ATP2C1: variants seen among roughly 807,000 people sequenced by gnomAD.
The protein encoded by ATP2C1 is ATPase secretory pathway Ca2+ transporting 1.
A neutral mutation model predicts 120.5 loss-of-function variants in ATP2C1; 31 were observed. The ratio of observed to expected loss-of-function variants is 0.26; its 90% CI spans 0.19 to 0.35. The LOEUF is 0.35. Among genes scored for constraint, ATP2C1 ranks in the 10% least tolerant of loss-of-function variants. The pLI is 1.00. For missense variants in ATP2C1, 731 were observed against 1,107.5 expected, an observed-to-expected ratio of 0.66 and a Z score of 4.83; for synonymous variants, 351 against 358.7, an observed-to-expected ratio of 0.98 and a Z score of 0.24.
chr3:130,924,833 GTTCT>G (rs1400981464), intron 2 of ATP2C1, among the ~76,000 whole-genome samples: 1 of 151,884 alleles, frequency 6.6e-6, no homozygotes, highest in Non-Finnish European at 1.5e-5. Flanking sequence ...TGTCTCTGAA[GTTCT>G]TTCTTCTGCT....
intron 2 of ATP2C1, among the ~76,000 whole-genome samples, chr3:130,919,402 A>G (rs933105409): frequency 3.3e-5 from 5 of 151,846 alleles, no homozygotes; most frequent in African/African-American, 1.2e-4. Flanking sequence ...TTTTTATAGT[A>G]GAGAAGGGGT....
At chr3:130,891,064 C>T (rs2069152040), upstream of ATP2C1, among the ~76,000 whole-genome samples, 1 of 152,162 alleles carries the variant, frequency 6.6e-6, no homozygotes, top group South Asian at 2.1e-4. Flanking sequence ...GCGACAGAGA[C>T]TCTGTCTCTT....
At chr3:130,882,849 A>T (rs747307666) in intron 1 of ATP2C1, among the ~76,000 whole-genome samples, 1 of 152,138 alleles carries the variant, frequency 6.6e-6, no homozygotes, top group Non-Finnish European at 1.5e-5. Flanking sequence ...GTATCAGGGT[A>T]ACACTTGCCT....
At chr3:130,914,918 T>A (rs1023867390) in intron 2 of ATP2C1, among the ~76,000 whole-genome samples, 2 of 152,198 alleles carry the variant, frequency 1.3e-5, no homozygotes, top group Non-Finnish European at 2.9e-5. Flanking sequence ...TCTGCAGTTG[T>A]TATAATACAG....
chr3:130,925,805 G>A (rs559072283), intron 2 of ATP2C1, among the ~76,000 whole-genome samples: 1 of 152,024 alleles, frequency 6.6e-6, no homozygotes, highest in Non-Finnish European at 1.5e-5. Flanking sequence ...CTGTTGCGGG[G>A]GGTGGGGTGA....
At chr3:130,936,778 C>T (rs1333905322) in intron 5 of ATP2C1, among the ~76,000 whole-genome samples, 1 of 140,212 alleles carries the variant, frequency 7.1e-6, no homozygotes, top group Non-Finnish European at 1.5e-5. Flanking sequence ...GATCACGCCC[C>T]TGCACACCAG....
intron 16 of ATP2C1, among the ~76,000 whole-genome samples, chr3:130,968,533 T>C (rs1179071694): frequency 3.3e-5 from 5 of 151,896 alleles, no homozygotes; most frequent in Non-Finnish European, 5.9e-5. Flanking sequence ...AAAGTAGAAG[T>C]AGAGAGGAAT....
chr3:130,996,645 T>A, intron 23 of ATP2C1, 35 bp from the exon 24 acceptor site: 2 of 1,333,100 alleles, frequency 1.5e-6, no homozygotes, highest in Middle Eastern at 1.8e-4. Context: ...AGATTTACTC[T>A]ACTGATATTT....
chr3:130,863,264 G>A (rs979147739), intron 1 of ATP2C1, among the ~76,000 whole-genome samples: 1 of 152,152 alleles, frequency 6.6e-6, no homozygotes, highest in Non-Finnish European at 1.5e-5. Flanking sequence ...AGATATAGAT[G>A]TTCTGGTACT....
chr3:130,920,480 A>G (rs1166446241), intron 2 of ATP2C1, among the ~76,000 whole-genome samples: 3 of 152,104 alleles, frequency 2.0e-5, no homozygotes, highest in African/African-American at 2.4e-5. Context: ...TCAGTTGACC[A>G]TATGTGTGTG....
intron 1 of ATP2C1, among the ~76,000 whole-genome samples, chr3:130,875,538 G>T (rs2068573198): frequency 6.6e-6 from 1 of 152,142 alleles, no homozygotes. Context: ...TGATGGACTT[G>T]TAGTTTGATT....
intron 1 of ATP2C1, among the ~76,000 whole-genome samples, chr3:130,875,838 T>A (rs1021283320): frequency 1.3e-5 from 2 of 152,132 alleles, no homozygotes; most frequent in African/African-American, 4.8e-5. Context: ...TGATATCTCA[T>A]CGTGGTTTTG....
chr3:130,867,497 G>A (rs1299157222), intron 1 of ATP2C1, among the ~76,000 whole-genome samples: 3 of 148,510 alleles, frequency 2.0e-5, no homozygotes, highest in Non-Finnish European at 4.5e-5. Flanking sequence ...TCGCTGTGTT[G>A]GCCGGGCTGG....
At chr3:130,865,504 A>T (rs927505990) in intron 1 of ATP2C1, among the ~76,000 whole-genome samples, 1 of 152,142 alleles carries the variant, frequency 6.6e-6, no homozygotes, top group African/African-American at 2.4e-5. Flanking sequence ...GGAGCAGAAT[A>T]ATATGGTTTG....
intron 20 of ATP2C1, among the ~76,000 whole-genome samples, chr3:130,983,530 C>T (rs534466882): frequency 1.3e-5 from 2 of 152,286 alleles, no homozygotes; most frequent in East Asian, 3.9e-4. Context: ...TTGTACCTTT[C>T]TAGGGGTTTT....
At chr3:130,885,599 C>T (rs1304764592) in intron 1 of ATP2C1, among the ~76,000 whole-genome samples, 1 of 121,632 alleles carries the variant, frequency 8.2e-6, no homozygotes, top group Non-Finnish European at 2.0e-5. Context: ...TAAACAAAAA[C>T]ACATTAAAAA....
Position 130,997,726 on chromosome 3 carries a change from T to C in ATP2C1, c.2364T>C (p.Cys788=). 6.2e-7 allele frequency: 1 copy of C among 1,613,754 alleles called. No individual in the cohort carries two copies. The highest frequency in any genetic ancestry group is 8.5e-7 in the Non-Finnish European group (1 of 1,179,762). Residue 788 remains cysteine, a synonymous_variant, in exon 25 of 28, where the codon TGT becomes TGC. Coordinates refer to ENST00000510168, the MANE Select transcript of ATP2C1 (RefSeq NM_001378687.1). ...TTGTTTCATCAATAATCATTGTTTG[T>C]GGGACTTTGTTTGTCTTCTGGCGTG... is the stretch of plus-strand genomic sequence containing the variant. ...KILVSSIIIV[C]GTLFVFWREL...
intron 1 of ATP2C1, among the ~76,000 whole-genome samples, chr3:130,884,624 T>C (rs1325728513): frequency 6.6e-6 from 1 of 152,232 alleles, no homozygotes; most frequent in Non-Finnish European, 1.5e-5. Flanking sequence ...TATTTTGTAT[T>C]GAGGTCTATC....
chr3:130,932,239 A>AAAAC, intron 4 of ATP2C1, 101 bp downstream of exon 4: 1 of 804,242 alleles, frequency 1.2e-6, no homozygotes. Context: ...GGAGAAAGGA[A>AAAAC]ATAATTTTTA....
Sources: gnomAD v4.1 joint callset for allele counts (sites outside exome capture counted in the v4.1 genomes callset) on GRCh38, gnomAD v4.1.1 for gene constraint, MANE v1.5 for transcripts, NCBI Gene and HGNC (gene_info 2026-07-23, HGNC 2026-07-21) for gene names.